The following CSMD1 variants were observed in gnomAD, a reference collection of about 807,000 sequenced individuals.
The protein encoded by CSMD1 is CUB and Sushi multiple domains 1.
In CSMD1, 213 loss-of-function variants were observed where a neutral mutation model predicts 417.5. The observed-to-expected ratio is 0.51, with a 90% CI of 0.46 to 0.57. The LOEUF (loss-of-function observed/expected upper bound fraction) is 0.57. Ranked by LOEUF, CSMD1 falls within the 20% of genes least tolerant of loss-of-function variation. The probability of loss-of-function intolerance (pLI) is 0.00; values close to 1 mark genes in which losing one functional copy is unlikely to be tolerated. For synonymous variants in CSMD1, 2,862 were observed against 1,736.8 expected (o/e 1.65, Z -16.11); for missense variants, 6,923 against 4,529.7 (o/e 1.53, Z -15.17).
chr8:3,467,808 C>T (rs1816867187), intron 12 of CSMD1, among the ~76,000 whole-genome samples: 1 of 152,178 alleles, frequency 6.6e-6, no homozygotes, highest in African/African-American at 2.4e-5. Flanking sequence ...TTTATTATCT[C>T]CTTCATTGAT....
rs73661119 is a variant in CSMD1 at position 4,765,965 on chromosome 8, T to A, written c.86-128407A>T. Among the ~76,000 whole-genome samples, 669 of 152,322 alleles carry A rather than the reference T, an allele frequency of 4.4e-3. 3 individuals are homozygous for A. The highest frequency in any genetic ancestry group is 0.016 in the African/African-American group (648 of 41,568). On this transcript the variant is annotated intron_variant, in intron 1 of 69. Coordinates refer to ENST00000635120, the MANE Select transcript of CSMD1 (RefSeq NM_033225.6). ...TAATTCCACATAGTTTCCAAACATT[T>A]ATGTAAAGATTAAAAAATGTATTAC...
intron 12 of CSMD1, among the ~76,000 whole-genome samples, chr8:3,459,890 G>C (rs961844677): frequency 6.6e-6 from 1 of 152,110 alleles, no homozygotes; most frequent in Non-Finnish European, 1.5e-5. Context: ...AACTGGAGTG[G>C]TCCTAAGATT....
At chr8:3,182,643 A>G in intron 36 of CSMD1, among the ~76,000 whole-genome samples, 2 of 59,362 alleles carry the variant, frequency 3.4e-5, no homozygotes, top group African/African-American at 1.1e-4. Flanking sequence ...TATTGTTAGT[A>G]GAGAAGGGGG....
chr8:3,567,506 G>A (rs1295116648), intron 10 of CSMD1, among the ~76,000 whole-genome samples: 1 of 148,926 alleles, frequency 6.7e-6, no homozygotes, highest in East Asian at 2.0e-4. Context: ...AGGAAGGAAG[G>A]GAGGGGAGGG....
At chr8:4,256,276 C>T (rs1455578651) in intron 3 of CSMD1, among the ~76,000 whole-genome samples, 5 of 152,180 alleles carry the variant, frequency 3.3e-5, no homozygotes, top group African/African-American at 2.4e-5. Flanking sequence ...AGAGGTTTCA[C>T]GATGCTTATG....
At chr8:4,177,639 G>A (rs1798126329) in intron 3 of CSMD1, among the ~76,000 whole-genome samples, 1 of 143,422 alleles carries the variant, frequency 7.0e-6, no homozygotes, top group African/African-American at 2.6e-5. Flanking sequence ...ATGAATCCAG[G>A]AGCTGCTTTT....
chr8:3,298,227 C>G (rs895843542), intron 25 of CSMD1, among the ~76,000 whole-genome samples: 11 of 152,158 alleles, frequency 7.2e-5, no homozygotes, highest in African/African-American at 2.4e-4. Context: ...CAATTCCTGG[C>G]CTCAGTGTAT....
intron 1 of CSMD1, among the ~76,000 whole-genome samples, chr8:4,672,175 C>G (rs1585427190): frequency 6.6e-6 from 1 of 152,308 alleles, no homozygotes; most frequent in East Asian, 1.9e-4. Flanking sequence ...TTCCATTTGC[C>G]AAGTGTCCTG....
chr8:4,920,889 A>AG (rs751720558), intron 1 of CSMD1, among the ~76,000 whole-genome samples: 3 of 71,834 alleles, frequency 4.2e-5, no homozygotes, highest in African/African-American at 8.0e-5. Flanking sequence ...AAGAAAAGAA[A>AG]AGAAAAGAAA....
chr8:3,536,149 G>A (rs1290745321), intron 10 of CSMD1, among the ~76,000 whole-genome samples: 1 of 152,186 alleles, frequency 6.6e-6, no homozygotes, highest in African/African-American at 2.4e-5. Context: ...ATCATCAACT[G>A]TCATTACATA....
At chr8:4,346,093 A>G (rs569598900) in intron 3 of CSMD1, among the ~76,000 whole-genome samples, 2 of 152,168 alleles carry the variant, frequency 1.3e-5, no homozygotes, top group South Asian at 4.1e-4. Context: ...AAGTACTACA[A>G]CTAGAAATCT....
chr8:4,159,937 G>A (rs371503831), intron 3 of CSMD1, among the ~76,000 whole-genome samples: 1 of 152,084 alleles, frequency 6.6e-6, no homozygotes. Flanking sequence ...CGGGCCTTGA[G>A]GGGAAAGGGT....
chr8:3,611,481 A>G (rs2117138788), intron 8 of CSMD1, among the ~76,000 whole-genome samples: 1 of 152,270 alleles, frequency 6.6e-6, no homozygotes, highest in East Asian at 1.9e-4. Context: ...AGATTGGAGT[A>G]TCTCTCACTT....
intron 3 of CSMD1, among the ~76,000 whole-genome samples, chr8:4,350,067 C>A (rs1045215338): frequency 6.6e-6 from 1 of 152,148 alleles, no homozygotes; most frequent in Non-Finnish European, 1.5e-5. Context: ...AAATAAGAAT[C>A]TCTCAGCCCT....
chr8:4,457,187 G>A (rs552038095), intron 2 of CSMD1, among the ~76,000 whole-genome samples: 1 of 152,024 alleles, frequency 6.6e-6, no homozygotes, highest in African/African-American at 2.4e-5. Context: ...TGTGAAATGT[G>A]TCCTGTTAAA....
intron 25 of CSMD1, among the ~76,000 whole-genome samples, chr8:3,300,633 C>G (rs139064476): frequency 3.7e-4 from 56 of 152,122 alleles, no homozygotes; most frequent in African/African-American, 1.3e-3. Context: ...ACTTACAAGA[C>G]TACTTGTCAC....
intron 2 of CSMD1, among the ~76,000 whole-genome samples, chr8:4,452,824 C>G (rs1296254001): frequency 6.6e-6 from 1 of 151,986 alleles, no homozygotes. Context: ...TCCTCAATAT[C>G]AGGTGAAAAA....
chr8:3,544,875 G>C (rs1007330426), intron 10 of CSMD1, among the ~76,000 whole-genome samples: 24 of 152,142 alleles, frequency 1.6e-4, no homozygotes, highest in African/African-American at 4.6e-4. Context: ...TAAGTAAAAT[G>C]TCAATATGGT....
At chr8:4,009,792 C>G (rs1585125892) in intron 4 of CSMD1, among the ~76,000 whole-genome samples, 1 of 152,120 alleles carries the variant, frequency 6.6e-6, no homozygotes, top group African/African-American at 2.4e-5. Flanking sequence ...ATGGACCATT[C>G]CTGCTCCATC....
Sources: allele counts gnomAD v4.1 joint callset (sites outside exome capture counted in the v4.1 genomes callset), GRCh38; gene constraint gnomAD v4.1.1; transcripts MANE v1.5; gene names NCBI Gene and HGNC (gene_info 2026-07-23, HGNC 2026-07-21).